PITPNM3: variants seen among roughly 807,000 people sequenced by gnomAD.
PITPNM3 encodes PITPNM family member 3, also known as membrane-associated phosphatidylinositol transfer protein 3.
Under a neutral mutation model 102.0 loss-of-function variants are expected in PITPNM3, and 26 were observed. The observed-to-expected ratio is 0.25, with a 90% CI of 0.19 to 0.35. The LOEUF (loss-of-function observed/expected upper bound fraction) is 0.35. Among genes scored for constraint, PITPNM3 ranks in the 10% least tolerant of loss-of-function variants. The probability of loss-of-function intolerance (pLI) is 1.00; values close to 1 mark genes in which losing one functional copy is unlikely to be tolerated. For synonymous variants in PITPNM3, 578 were observed against 558.6 expected, an observed-to-expected ratio of 1.03 and a Z score of -0.49; for missense variants, 1,083 against 1,346.1, an observed-to-expected ratio of 0.80 and a Z score of 3.06.
chr17:6,549,975 G>A (rs1319547639), intron 1 of PITPNM3, among the ~76,000 whole-genome samples: 1 of 152,176 alleles, frequency 6.6e-6, no homozygotes, highest in Non-Finnish European at 1.5e-5. Context: ...GTTGAGAGGG[G>A]GCAAGGCCTC....
intron 4 of PITPNM3, among the ~76,000 whole-genome samples, chr17:6,495,263 A>C (rs1041863548): frequency 4.7e-4 from 71 of 152,176 alleles, no homozygotes; most frequent in African/African-American, 1.7e-3. Context: ...AATTTTTCTA[A>C]GTGCATGTAG....
At chr17:6,467,817 C>A (rs1041884061) in intron 14 of PITPNM3, among the ~76,000 whole-genome samples, 8 of 152,346 alleles carry the variant, frequency 5.3e-5, no homozygotes, top group Middle Eastern at 6.8e-3. Context: ...CCCTTACAAT[C>A]CTTCTTTCCA....
At chr17:6,473,397 G>C (rs1435227233) in intron 10 of PITPNM3, among the ~76,000 whole-genome samples, 4 of 152,106 alleles carry the variant, frequency 2.6e-5, no homozygotes. Flanking sequence ...GGACTGGACC[G>C]TCCAGCATCC....
intron 14 of PITPNM3, among the ~76,000 whole-genome samples, chr17:6,467,638 T>C (rs950160283): frequency 4.6e-5 from 7 of 152,224 alleles, no homozygotes; most frequent in Non-Finnish European, 7.3e-5. Flanking sequence ...ACCATAGCAA[T>C]GGTTGTGTCT....
Position 6,478,028 on chromosome 17 carries a change from A to C in PITPNM3, c.847T>G (p.Ser283Ala). Reference sequence around the variant, plus strand: ...CTGCTGCTGGCAGGGCTGTCCCCTGAGGGCCCCGCACTGTAGCAGATGGCA... The same window carrying C: ...CTGCTGCTGGCAGGGCTGTCCCCTGCGGGCCCCGCACTGTAGCAGATGGCA... ...FDAICYSAGP[S>A]GDSPASSSRK... The change falls in exon 8 of 20, where the codon TCA becomes GCA. Residue 283 changes from serine (S) to alanine (A), a missense_variant. Ser to Ala is a moderately conservative substitution (Grantham distance 99). Around this residue, in one of 5 missense-constraint regions of PITPNM3, gnomAD observed 172 missense variants for 175.6 expected, o/e 0.98. Coordinates refer to ENST00000262483, the MANE Select transcript of PITPNM3 (RefSeq NM_031220.4). This position sits in a 1 kb window ranked among gnomAD's most constrained non-coding sequence, Gnocchi z 4.4. The C allele has an allele frequency of 6.2e-7, 1 of 1,613,578 alleles. No individual in the cohort carries two copies. Among genetic ancestry groups the C allele is most frequent in the South Asian group, 1.1e-5 (1 of 91,076 alleles).
chr17:6,481,383 C>G (rs1357698619), intron 6 of PITPNM3: 1 of 154,234 alleles, frequency 6.5e-6, no homozygotes, highest in African/African-American at 2.4e-5. Context: ...CTGGCATTCC[C>G]AAGGCTGGCA....
At chr17:6,508,722 C>A (rs533080223) in intron 3 of PITPNM3, among the ~76,000 whole-genome samples, 1 of 152,286 alleles carries the variant, frequency 6.6e-6, no homozygotes, top group Non-Finnish European at 1.5e-5. Context: ...AGCCAGGCAT[C>A]CCAGGGTTCC....
intron 14 of PITPNM3, among the ~76,000 whole-genome samples, chr17:6,467,843 G>A (rs960374687): frequency 2.6e-5 from 4 of 152,110 alleles, no homozygotes; most frequent in African/African-American, 9.7e-5. Context: ...GTCTTAATCT[G>A]TACCTTCCTC....
intron 1 of PITPNM3, among the ~76,000 whole-genome samples, chr17:6,546,482 C>T (rs939634896): frequency 6.6e-6 from 1 of 152,246 alleles, no homozygotes; most frequent in African/African-American, 2.4e-5. Flanking sequence ...CAACCTCAAC[C>T]ATGGCCTCAA....
chr17:6,490,927 A>C (rs1001602746), intron 4 of PITPNM3, among the ~76,000 whole-genome samples: 1 of 137,544 alleles, frequency 7.3e-6, no homozygotes, highest in Admixed American at 7.6e-5. Context: ...GCCCCACTGC[A>C]CTCCAGCCTA....
Position 6,474,544 on chromosome 17 carries a change from G to T in PITPNM3, c.1146C>A (p.Leu382=). The T allele has an allele frequency of 3.1e-6, 5 of 1,606,984 alleles. No individual in the cohort carries two copies. Among genetic ancestry groups the T allele is most frequent in the Non-Finnish European group, 3.4e-6 (4 of 1,177,188 alleles). Residue 382 remains leucine, a synonymous_variant, in exon 10 of 20, where the codon CTC becomes CTA. Transcript: ENST00000262483. The part of the protein sequence containing the change: ...SETPAAGGPQ[L]PEVSLGRFDF... ...CAAAGCGGCCCAGGCTGACCTCAGG[G>T]AGCTGCGGCCCCCCAGCCGCCGGGG...
Position 6,517,248 on chromosome 17 carries a change from T to C in PITPNM3, c.226+8108A>G, listed in dbSNP as rs549728561. ...ATATGCTACAAAGGGCAAATTTTAC[T>C]GAATATAAATCATAGCTCAAAATAC... is the stretch of plus-strand genomic sequence containing the variant. On this transcript the variant is annotated intron_variant, in intron 3 of 19. Coordinates refer to ENST00000262483, the MANE Select transcript of PITPNM3 (RefSeq NM_031220.4). This position sits in a 1 kb window ranked among gnomAD's most constrained non-coding sequence, Gnocchi z 4.1. Among the ~76,000 whole-genome samples the C allele has an allele frequency of 2.6e-5, 4 of 152,358 alleles. No individual in the cohort carries two copies. The South Asian group carries it at 8.3e-4, about 32-fold the overall frequency.
chr17:6,471,531 C>CG (rs1198971242), intron 11 of PITPNM3, among the ~76,000 whole-genome samples, 176 bp from the exon 12 acceptor site: 1 of 152,216 alleles, frequency 6.6e-6, no homozygotes, highest in African/African-American at 2.4e-5. Context: ...CCACCAGTCC[C>CG]CTGGGCCTGA....
At position 6,455,018 on chromosome 17, in the gene PITPNM3, CG is replaced by C. The variant is rs1016315061; in HGVS notation, c.*319del. 4.4e-5 allele frequency: 17 copies of C among 385,410 alleles called. No individual in the cohort carries two copies. Among genetic ancestry groups the C allele is most frequent in the Non-Finnish European group, 7.0e-5 (15 of 214,742 alleles). The allele number at this position is 385,410 out of a possible 1,614,324, so 23.9% of individuals were successfully genotyped here. A position where few individuals can be genotyped will look rare whatever the true frequency, so the allele number is the denominator to read the frequency against. On this transcript the variant is annotated 3_prime_UTR_variant, in exon 20 of 20. Transcript: ENST00000262483. ...AAGCCTGGGGACGCAGGAGGGTGGT[CG>C]ACTTTGCCCAAACGCTTCAGCCCCG...
At chr17:6,547,566 G>C (rs2150677788) in intron 1 of PITPNM3, among the ~76,000 whole-genome samples, 1 of 152,184 alleles carries the variant, frequency 6.6e-6, no homozygotes, top group East Asian at 1.9e-4. Context: ...GGCTCCCCAG[G>C]AGGGCAGCCC....
In PITPNM3 at chr17:6,455,346, C is replaced by G; in HGVS notation, c.2917G>C (p.Val973Leu). 1 of 1,577,256 alleles carries G rather than the reference C, an allele frequency of 6.3e-7. No individual in the cohort carries two copies. The highest frequency in any genetic ancestry group is 8.6e-7 in the Non-Finnish European group (1 of 1,163,710). ...WARGPPKFESVP is the reference protein window; with the variant it reads ...WARGPPKFESLP ...TGAGCACAGCCCACCCCTCAGGGCA[C>G]CGACTCGAACTTGGGGGGCCCACGC... Residue 973 changes from valine (V) to leucine (L), a missense_variant, in exon 20 of 20, where the codon GTG becomes CTG. Physicochemically the swap from Val to Leu is conservative, Grantham distance 32. Coordinates refer to ENST00000262483, the MANE Select transcript of PITPNM3 (RefSeq NM_031220.4).
At chr17:6,543,017 C>T (rs569642149) in intron 1 of PITPNM3, among the ~76,000 whole-genome samples, 2 of 152,320 alleles carry the variant, frequency 1.3e-5, no homozygotes, top group East Asian at 3.9e-4. Context: ...TGAGCCACCA[C>T]ACCCAGACCT....
chr17:6,515,625 A>T (rs1417949626), intron 3 of PITPNM3, among the ~76,000 whole-genome samples: 1 of 152,118 alleles, frequency 6.6e-6, no homozygotes, highest in East Asian at 1.9e-4. Context: ...TCCTTAGATC[A>T]TTCAAATCAA....
chr17:6,554,934 C>T (rs1910519938), intron 1 of PITPNM3, among the ~76,000 whole-genome samples: 1 of 152,202 alleles, frequency 6.6e-6, no homozygotes, highest in Non-Finnish European at 1.5e-5. Flanking sequence ...GATGACAGTG[C>T]CCTGGCAGGT....
Sources: gnomAD v4.1 joint callset for allele counts (sites outside exome capture counted in the v4.1 genomes callset) on GRCh38, gnomAD v4.1.1 for gene constraint, gnomAD v4.1.1 regional missense constraint, Gnocchi (gnomAD v3.1) non-coding constraint, MANE v1.5 for transcripts, NCBI Gene and HGNC (gene_info 2026-07-23, HGNC 2026-07-21) for gene names.